The following ZDHHC14 variants were observed in gnomAD, a reference collection of about 807,000 sequenced individuals.
ZDHHC14 encodes the protein zDHHC palmitoyltransferase 14, also known as palmitoyltransferase ZDHHC14.
Under a neutral mutation model 47.7 loss-of-function variants are expected in ZDHHC14, and 16 were observed. That is an observed-to-expected ratio of 0.34 (90% confidence interval 0.23 to 0.51). The LOEUF (loss-of-function observed/expected upper bound fraction) is 0.51. Among genes scored for constraint, ZDHHC14 ranks in the 20% least tolerant of loss-of-function variants. ZDHHC14 has a pLI of 0.97. For missense variants in ZDHHC14, 515 were observed against 662.5 expected (o/e 0.78, Z 2.44); for synonymous variants, 293 against 278.9 (o/e 1.05, Z -0.50).
chr6:157,661,388 A>G (rs191388883), intron 8 of ZDHHC14, among the ~76,000 whole-genome samples: 110 of 152,348 alleles, frequency 7.2e-4, no homozygotes, highest in African/African-American at 2.5e-3. Flanking sequence ...TTCATCTTAC[A>G]TGCTGGAAGA....
intron 5 of ZDHHC14, among the ~76,000 whole-genome samples, chr6:157,639,768 G>A (rs552114002): frequency 1.5e-3 from 234 of 152,256 alleles, no homozygotes; most frequent in Non-Finnish European, 2.5e-3. Context: ...GGAGCGTTCT[G>A]CCAAGAGTGC....
At chr6:157,495,268 TAA>T (rs769632842) in intron 1 of ZDHHC14, among the ~76,000 whole-genome samples, 1 of 150,780 alleles carries the variant, frequency 6.6e-6, no homozygotes, top group Non-Finnish European at 1.5e-5. Flanking sequence ...GATTTTTTTT[TAA>T]AGCAGTCTAA....
chr6:157,601,146 T>C (rs1784322895), intron 3 of ZDHHC14, among the ~76,000 whole-genome samples: 1 of 152,236 alleles, frequency 6.6e-6, no homozygotes, highest in Non-Finnish European at 1.5e-5. Flanking sequence ...GTCCGTCATT[T>C]CTGGTAATTT....
rs1038052282 is a variant in ZDHHC14 at position 157,502,250 on chromosome 6, G to A, written c.246-40335G>A. Reference sequence around the variant, plus strand: ...AAGATATGCACAGCCTAGAAGGGAAGACCAAGAAAGTCATTATAGAAACGG... The same window carrying A: ...AAGATATGCACAGCCTAGAAGGGAAAACCAAGAAAGTCATTATAGAAACGG... On this transcript the variant is annotated intron_variant, in intron 1 of 8. Coordinates refer to ENST00000359775, the MANE Select transcript of ZDHHC14 (RefSeq NM_024630.3). The surrounding 1 kb of genome is among the most constrained non-coding windows in gnomAD (Gnocchi z 4.0). 4.6e-5 allele frequency among the ~76,000 whole-genome samples: 7 copies of A among 152,156 alleles called. No homozygotes were observed. Among genetic ancestry groups the A allele is most frequent in the African/African-American group, 1.7e-4 (7 of 41,430 alleles).
At chr6:157,587,156 A>G (rs575752259) in intron 2 of ZDHHC14, among the ~76,000 whole-genome samples, 1 of 152,368 alleles carries the variant, frequency 6.6e-6, no homozygotes, top group African/African-American at 2.4e-5. Context: ...TTATAAAAAG[A>G]TATCAGGTCT....
intron 1 of ZDHHC14, among the ~76,000 whole-genome samples, chr6:157,531,411 G>T (rs1781361572): frequency 1.3e-5 from 2 of 152,080 alleles, no homozygotes; most frequent in South Asian, 4.2e-4. Flanking sequence ...GAGGGTCTGG[G>T]GCTCCCTGTC....
chr6:157,621,054 T>C (rs918451121), intron 3 of ZDHHC14, among the ~76,000 whole-genome samples: 16 of 152,204 alleles, frequency 1.1e-4, no homozygotes, highest in African/African-American at 3.6e-4. Flanking sequence ...GCAGGTGAAG[T>C]TGCTTTTCAG....
At chr6:157,660,797 C>T (rs1350051775) in intron 8 of ZDHHC14, among the ~76,000 whole-genome samples, 4 of 152,104 alleles carry the variant, frequency 2.6e-5, no homozygotes, top group Admixed American at 6.5e-5. Context: ...CCAAAAGTTT[C>T]GGTTAAATGG....
At chr6:157,536,824 T>TAATGACCAATATCAAA (rs1425978075) in intron 1 of ZDHHC14, among the ~76,000 whole-genome samples, 6 of 89,624 alleles carry the variant, frequency 6.7e-5, no homozygotes, top group South Asian at 6.4e-4. Flanking sequence ...TCTATCTTTT[T>TAATGACCAATATCAAA]TTTTTTTTTT....
chr6:157,639,078 TCAACATGTG>T (rs2114970291), intron 5 of ZDHHC14, among the ~76,000 whole-genome samples: 1 of 152,370 alleles, frequency 6.6e-6, no homozygotes, highest in African/African-American at 2.4e-5. Context: ...GGGCTCCCCA[TCAACATGTG>T]GTCTGCCCTG....
chr6:157,653,351 G>A (rs962050141), intron 7 of ZDHHC14, among the ~76,000 whole-genome samples, 174 bp from the exon 8 acceptor site: 8 of 152,130 alleles, frequency 5.3e-5, no homozygotes, highest in African/African-American at 1.9e-4. Flanking sequence ...AAAGGGAGAA[G>A]GGACAGAATT....
At chr6:157,608,714 G>A (rs1784641713) in intron 3 of ZDHHC14, among the ~76,000 whole-genome samples, 1 of 152,148 alleles carries the variant, frequency 6.6e-6, no homozygotes, top group African/African-American at 2.4e-5. Flanking sequence ...AAAGAGTTTT[G>A]ATCTTATCTG....
intron 3 of ZDHHC14, among the ~76,000 whole-genome samples, chr6:157,613,301 G>A (rs1268592191): frequency 6.6e-6 from 1 of 152,236 alleles, no homozygotes; most frequent in Non-Finnish European, 1.5e-5. Context: ...TAAAAGGCAT[G>A]AAACAGTGCT....
chr6:157,504,825 G>GT (rs201549094), intron 1 of ZDHHC14, among the ~76,000 whole-genome samples: 1 of 150,990 alleles, frequency 6.6e-6, no homozygotes, highest in Admixed American at 6.6e-5. Context: ...GTTTTGTTTT[G>GT]TTTGAGATTG....
intron 2 of ZDHHC14, among the ~76,000 whole-genome samples, chr6:157,569,139 T>C (rs572931219): frequency 4.6e-5 from 7 of 152,096 alleles, no homozygotes. Context: ...CCAACCTATA[T>C]AGAAAAAGAT....
rs1468148388 is a variant in ZDHHC14, at chr6:157,502,030, C to T, written c.246-40555C>T. On this transcript the variant is annotated intron_variant, in intron 1 of 8. Coordinates refer to ENST00000359775, the MANE Select transcript of ZDHHC14 (RefSeq NM_024630.3). The surrounding 1 kb of genome is among the most constrained non-coding windows in gnomAD (Gnocchi z 4.0). ...ATGGCATTAACACCACAGATATGTA[C>T]GGAGCACTTATGATGTATTCTCATA... Among the ~76,000 whole-genome samples the T allele has an allele frequency of 6.6e-6, 1 of 152,140 alleles. No homozygotes were observed. The highest frequency in any genetic ancestry group is 1.5e-5 in the Non-Finnish European group (1 of 68,028).
intron 1 of ZDHHC14, among the ~76,000 whole-genome samples, chr6:157,522,920 C>CTTTCTTTCTTTCTTTCTTT (rs1562460861): frequency 3.1e-5 from 1 of 32,072 alleles, no homozygotes; most frequent in African/African-American, 3.1e-4. Flanking sequence ...TTCCTTCCTT[C>CTTTCTTTCTTTCTTTCTTT]CTTTCTTTCT....
At chr6:157,533,035 A>T (rs1359507598) in intron 1 of ZDHHC14, among the ~76,000 whole-genome samples, 4 of 152,230 alleles carry the variant, frequency 2.6e-5, no homozygotes, top group African/African-American at 9.6e-5. Flanking sequence ...AAAATCACCC[A>T]GGGATAATGA....
At chr6:157,584,435 A>AT (rs1410253536) in intron 2 of ZDHHC14, among the ~76,000 whole-genome samples, 5 of 152,072 alleles carry the variant, frequency 3.3e-5, no homozygotes, top group Non-Finnish European at 2.9e-5. Context: ...ATAATTTGGG[A>AT]TTTTTCCTTT....
Sources: allele counts gnomAD v4.1 joint callset (sites outside exome capture counted in the v4.1 genomes callset), GRCh38; gene constraint gnomAD v4.1.1; non-coding constraint Gnocchi (gnomAD v3.1); transcripts MANE v1.5; gene names NCBI Gene and HGNC (gene_info 2026-07-23, HGNC 2026-07-21).